NAA35: variants seen among roughly 807,000 people sequenced by gnomAD.
NAA35 encodes MAK10 homolog, amino-acid N-acetyltransferase subunit.
NAA35 carries 18 observed loss-of-function variants against 101.7 expected under a neutral mutation model. The observed-to-expected ratio is 0.18, with a 90% CI of 0.12 to 0.26. NAA35 has a LOEUF of 0.26. Ranked by LOEUF, NAA35 falls within the 10% of genes least tolerant of loss-of-function variation. The pLI is 1.00. For synonymous variants in NAA35, 267 were observed against 273.1 expected (o/e 0.98, Z 0.22); for missense variants, 601 against 886.8 (o/e 0.68, Z 4.09).
At chr9:85,985,750 A>G (rs1471076845) in intron 11 of NAA35, among the ~76,000 whole-genome samples, 1 of 152,230 alleles carries the variant, frequency 6.6e-6, no homozygotes, top group Non-Finnish European at 1.5e-5. Context: ...TATGTTAATT[A>G]TATCTCATTA....
chr9:85,948,329 A>G (rs1378652648), intron 2 of NAA35, among the ~76,000 whole-genome samples: 3 of 152,226 alleles, frequency 2.0e-5, no homozygotes, highest in Non-Finnish European at 4.4e-5. Flanking sequence ...AGATTAATGA[A>G]TCTAGAATTC....
At chr9:85,968,154 T>G (rs1470201524) in intron 6 of NAA35, among the ~76,000 whole-genome samples, 1 of 152,174 alleles carries the variant, frequency 6.6e-6, no homozygotes, top group Non-Finnish European at 1.5e-5. Context: ...TTGGCTTCCT[T>G]GGAGTTTCTG....
Position 86,009,905 on chromosome 9 carries a change from G to T in NAA35, c.1264G>T (p.Asp422Tyr). 6.2e-7 allele frequency: 1 copy of T among 1,613,182 alleles called. No homozygotes were observed. The highest frequency in any genetic ancestry group is 8.5e-7 in the Non-Finnish European group (1 of 1,179,324). Reference protein sequence around the residue: ...YNNHQAKDCIDSFVTHCVRPF... With the variant: ...YNNHQAKDCIYSFVTHCVRPF... ...TAATCACCAGGCTAAGGACTGTATC[G>T]ACTCCTTTGTTACTCACTGTGTTCG... Residue 422 changes from aspartate to tyrosine, a missense_variant, in exon 15 of 23, where the codon GAC becomes TAC. This residue lies in a region of NAA35 where 190 missense variants were observed against 223.1 expected (regional missense o/e 0.85). Coordinates refer to ENST00000361671, the MANE Select transcript of NAA35 (RefSeq NM_024635.4).
intron 12 of NAA35, among the ~76,000 whole-genome samples, chr9:85,999,478 G>A (rs1831323617): frequency 6.6e-6 from 1 of 152,158 alleles, no homozygotes; most frequent in African/African-American, 2.4e-5. Context: ...AATTTTTTTA[G>A]TAAGCAACAG....
chr9:86,024,494 T>C lies in NAA35; in HGVS notation c.*2534T>C, dbSNP rs1236628584. Among the ~76,000 whole-genome samples, 2 of 152,052 alleles carry C rather than the reference T, an allele frequency of 1.3e-5. No homozygotes were observed. Among genetic ancestry groups the C allele is most frequent in the African/African-American group, 4.8e-5 (2 of 41,382 alleles). On this transcript the variant is annotated 3_prime_UTR_variant, in exon 23 of 23. Coordinates refer to ENST00000361671, the MANE Select transcript of NAA35 (RefSeq NM_024635.4). ...CAAGTCAAATCTGCTTGCCTGAGAA[T>C]GGTTGAAAAGGGAGGCAGGGAAGCC...
intron 6 of NAA35, among the ~76,000 whole-genome samples, chr9:85,973,749 G>GT (rs76377524): frequency 3.7e-3 from 525 of 142,396 alleles, no homozygotes; most frequent in Middle Eastern, 0.018. Context: ...TATGATGAGT[G>GT]TTTTTTTTTT....
intron 6 of NAA35, among the ~76,000 whole-genome samples, chr9:85,974,698 T>TATA (rs1830138477): frequency 6.6e-6 from 1 of 152,166 alleles, no homozygotes; most frequent in South Asian, 2.1e-4. Flanking sequence ...GCATTACCCT[T>TATA]ATATGGCAAG....
At chr9:86,009,134 T>C (rs1382956921) in intron 14 of NAA35, among the ~76,000 whole-genome samples, 1 of 152,216 alleles carries the variant, frequency 6.6e-6, no homozygotes, top group Admixed American at 6.5e-5. Flanking sequence ...AATTTTTAAA[T>C]TTGAAAATAA....
At chr9:85,957,403 C>A (rs1829323563) in intron 3 of NAA35, among the ~76,000 whole-genome samples, 1 of 152,086 alleles carries the variant, frequency 6.6e-6, no homozygotes, top group South Asian at 2.1e-4. Flanking sequence ...GCAAGAAAAC[C>A]TTTGTCTAGG....
In NAA35 at chr9:86,018,741, C is replaced by A. The variant is rs150870092; in HGVS notation, c.1957C>A (p.Pro653Thr). ...LNKYSPPPQS[P>T]ELYVAASKHF... ...TAAATATAGCCCTCCTCCTCAGTCT[C>A]CTGAACTGTATGTGGCAGCTAGTAA... is the stretch of plus-strand genomic sequence containing the variant. The change falls in exon 21 of 23, where the codon CCT becomes ACT. Residue 653 changes from proline to threonine, a missense_variant. Pro to Thr is a conservative substitution (Grantham distance 38). Transcript: ENST00000361671. 2 of 1,614,104 alleles carry A rather than the reference C, an allele frequency of 1.2e-6. No homozygotes were observed. Among genetic ancestry groups the A allele is most frequent in the Non-Finnish European group, 1.7e-6 (2 of 1,179,998 alleles).
At chr9:85,973,123 A>T (rs371579365) in intron 6 of NAA35, among the ~76,000 whole-genome samples, 8 of 152,304 alleles carry the variant, frequency 5.3e-5, no homozygotes, top group African/African-American at 1.9e-4. Context: ...TTGGTGTGGG[A>T]GCCGTGAGAG....
intron 17 of NAA35, chr9:86,015,571 G>C: frequency 3.6e-6 from 1 of 281,674 alleles, no homozygotes; most frequent in Non-Finnish European, 5.4e-6. Flanking sequence ...GGGTGAGACC[G>C]AATAATTTGC....
chr9:86,013,200 G>A, intron 16 of NAA35, 56 bp downstream of exon 16: 1 of 1,101,232 alleles, frequency 9.1e-7, no homozygotes, highest in Non-Finnish European at 1.3e-6. Context: ...ACTTTGTCCA[G>A]ATTTTTAAAA....
chr9:86,011,981 T>C (rs984836484), intron 15 of NAA35, among the ~76,000 whole-genome samples: 6 of 142,930 alleles, frequency 4.2e-5, no homozygotes, highest in African/African-American at 7.7e-5. Context: ...TAATATATAA[T>C]ATATATTATA....
chr9:85,944,934 A>G (rs542831782), intron 2 of NAA35, among the ~76,000 whole-genome samples: 26 of 152,316 alleles, frequency 1.7e-4, no homozygotes, highest in South Asian at 2.1e-4. Flanking sequence ...TTTAGTCTCA[A>G]TGAAATACGA....
chr9:86,019,672 A>G (rs1291619173), intron 21 of NAA35, among the ~76,000 whole-genome samples: 1 of 152,200 alleles, frequency 6.6e-6, no homozygotes, highest in Non-Finnish European at 1.5e-5. Context: ...ATTGAAATAC[A>G]TTTATTTTCT....
At chr9:85,996,840 G>A (rs1831182380) in intron 12 of NAA35, among the ~76,000 whole-genome samples, 1 of 152,174 alleles carries the variant, frequency 6.6e-6, no homozygotes, top group South Asian at 2.1e-4. Flanking sequence ...CGATGTTGAA[G>A]GGTTAGATAA....
intron 16 of NAA35, 144 bp downstream of exon 16, chr9:86,013,288 CCAA>C (rs1330099274): frequency 8.5e-6 from 4 of 472,048 alleles, no homozygotes; most frequent in South Asian, 6.4e-5. Context: ...GTTTCTTACA[CCAA>C]CGTTTACAAA....
At chr9:85,952,395 C>T (rs1829059698) in intron 2 of NAA35, among the ~76,000 whole-genome samples, 1 of 151,294 alleles carries the variant, frequency 6.6e-6, no homozygotes, top group Admixed American at 6.6e-5. Context: ...AAATGATTCT[C>T]CTGCCTCAGC....
Sources: gnomAD v4.1 joint callset for allele counts (sites outside exome capture counted in the v4.1 genomes callset) on GRCh38, gnomAD v4.1.1 for gene constraint, gnomAD v4.1.1 regional missense constraint, MANE v1.5 for transcripts, NCBI Gene and HGNC (gene_info 2026-07-23, HGNC 2026-07-21) for gene names.